The following UNC5C variants were observed in gnomAD, a reference collection of about 807,000 sequenced individuals.
UNC5C encodes the protein unc-5 netrin receptor C, also known as netrin receptor UNC5C.
A neutral mutation model predicts 99.8 loss-of-function variants in UNC5C; 47 were observed. The observed-to-expected ratio is 0.47, with a 90% CI of 0.37 to 0.60. The LOEUF is 0.60. Among genes scored for constraint, UNC5C ranks in the 20% least tolerant of loss-of-function variants. The probability of loss-of-function intolerance (pLI) is 0.00; values close to 1 mark genes in which losing one functional copy is unlikely to be tolerated. For missense variants in UNC5C, 1,062 were observed against 1,165.9 expected (o/e 0.91, Z 1.30); for synonymous variants, 487 against 452.2 (o/e 1.08, Z -0.98).
chr4:95,528,938 T>C, intron 1 of UNC5C, among the ~76,000 whole-genome samples: 1 of 152,280 alleles, frequency 6.6e-6, no homozygotes, highest in Middle Eastern at 3.4e-3. Flanking sequence ...ACTTGATTTT[T>C]TTTTCTGAAA....
intron 4 of UNC5C, among the ~76,000 whole-genome samples, chr4:95,265,214 G>A (rs574737253): frequency 6.6e-6 from 1 of 152,250 alleles, no homozygotes; most frequent in East Asian, 1.9e-4. Context: ...GTTATCTTCA[G>A]TCCCAACTTT....
intron 10 of UNC5C, among the ~76,000 whole-genome samples, chr4:95,208,820 T>G (rs1457968374): frequency 6.6e-6 from 1 of 152,230 alleles, no homozygotes; most frequent in Non-Finnish European, 1.5e-5. Flanking sequence ...AATGGTCACT[T>G]GAAATGGATT....
At chr4:95,480,840 G>A (rs905688727) in intron 1 of UNC5C, among the ~76,000 whole-genome samples, 3 of 151,798 alleles carry the variant, frequency 2.0e-5, no homozygotes, top group South Asian at 2.1e-4. Context: ...AATAAATTAG[G>A]TATTGATGGG....
chr4:95,431,355 C>T (rs1746630991), intron 1 of UNC5C, among the ~76,000 whole-genome samples: 1 of 152,008 alleles, frequency 6.6e-6, no homozygotes, highest in Admixed American at 6.6e-5. Flanking sequence ...CCATCTTGGT[C>T]TTACTGAATT....
At chr4:95,286,468 G>A (rs1741237563) in intron 3 of UNC5C, among the ~76,000 whole-genome samples, 1 of 152,152 alleles carries the variant, frequency 6.6e-6, no homozygotes, top group African/African-American at 2.4e-5. Flanking sequence ...AGGAGGCTGT[G>A]GGGAGCCATG....
intron 1 of UNC5C, among the ~76,000 whole-genome samples, chr4:95,346,257 C>T (rs565413787): frequency 1.3e-5 from 2 of 151,826 alleles, no homozygotes; most frequent in South Asian, 2.1e-4. Context: ...TCGAACAGAC[C>T]ATTAACAAGT....
At chr4:95,378,600 G>T (rs985938466) in intron 1 of UNC5C, among the ~76,000 whole-genome samples, 1 of 152,076 alleles carries the variant, frequency 6.6e-6, no homozygotes, top group Non-Finnish European at 1.5e-5. Flanking sequence ...CCCAGTACAT[G>T]GCATACCATA....
chr4:95,434,257 T>C (rs1746712555), intron 1 of UNC5C, among the ~76,000 whole-genome samples: 1 of 152,130 alleles, frequency 6.6e-6, no homozygotes, highest in Non-Finnish European at 1.5e-5. Flanking sequence ...CATTCTACAA[T>C]AATGCATCAC....
chr4:95,391,166 T>C (rs1484824748), intron 1 of UNC5C, among the ~76,000 whole-genome samples: 1 of 152,224 alleles, frequency 6.6e-6, no homozygotes, highest in Non-Finnish European at 1.5e-5. Flanking sequence ...CCCAGTCATG[T>C]GGAACTGTGA....
At chr4:95,273,731 G>A (rs982347664) in intron 4 of UNC5C, among the ~76,000 whole-genome samples, 6 of 152,038 alleles carry the variant, frequency 3.9e-5, no homozygotes, top group African/African-American at 1.2e-4. Flanking sequence ...TCTTTCACCT[G>A]GTTTACTTGA....
chr4:95,396,032 A>T (rs183832616), intron 1 of UNC5C, among the ~76,000 whole-genome samples: 1 of 152,320 alleles, frequency 6.6e-6, no homozygotes, highest in Non-Finnish European at 1.5e-5. Context: ...TTGCAGTAAG[A>T]GCCTTAGGAA....
At chr4:95,265,439 T>C (rs1376627452) in intron 4 of UNC5C, among the ~76,000 whole-genome samples, 1 of 152,196 alleles carries the variant, frequency 6.6e-6, no homozygotes, top group African/African-American at 2.4e-5. Context: ...CATTAATGGA[T>C]GCTGGAGTTG....
At position 95,411,692 on chromosome 4, in the gene UNC5C, A is replaced by G. The variant is rs371662412; in HGVS notation, c.125-76061T>C. ...TTAGAAATTCATAAATTGGATCGCA[A>G]TCTCTTTTCTTTGTAAATTTAAAAT... On this transcript the variant is annotated intron_variant, in intron 1 of 15. Transcript: ENST00000453304. Among the ~76,000 whole-genome samples the G allele has an allele frequency of 5.9e-5, 9 of 152,296 alleles. No individual in the cohort carries two copies. In the South Asian group the frequency reaches 1.5e-3, roughly 25 times the overall value.
intron 1 of UNC5C, among the ~76,000 whole-genome samples, chr4:95,354,122 T>C (rs1744084385): frequency 6.6e-6 from 1 of 152,132 alleles, no homozygotes; most frequent in Non-Finnish European, 1.5e-5. Context: ...TGAATCTGTT[T>C]CTTTCTGTTT....
chr4:95,514,758 T>C (rs977507002), intron 1 of UNC5C, among the ~76,000 whole-genome samples: 4 of 151,756 alleles, frequency 2.6e-5, no homozygotes, highest in Admixed American at 2.0e-4. Context: ...CTGCAACCTC[T>C]GCCTCCTGGG....
intron 4 of UNC5C, among the ~76,000 whole-genome samples, chr4:95,268,725 T>C (rs1485337211): frequency 2.0e-5 from 3 of 152,204 alleles, no homozygotes; most frequent in Non-Finnish European, 2.9e-5. Context: ...AACTGCCACA[T>C]GCCACCCAAC....
chr4:95,343,445 G>A (rs1017205761), intron 1 of UNC5C, among the ~76,000 whole-genome samples: 30 of 152,118 alleles, frequency 2.0e-4, no homozygotes, highest in African/African-American at 7.2e-4. Flanking sequence ...AAAAGTCATA[G>A]TGTTACTGGG....
intron 1 of UNC5C, among the ~76,000 whole-genome samples, chr4:95,545,464 T>G (rs1053795094): frequency 2.6e-5 from 4 of 152,214 alleles, no homozygotes; most frequent in Non-Finnish European, 5.9e-5. Context: ...TTTAGTTGTC[T>G]TCACTGTTGA....
chr4:95,222,243 C>T, intron 7 of UNC5C: 6 of 1,492,576 alleles, frequency 4.0e-6, no homozygotes, highest in Non-Finnish European at 5.3e-6. Context: ...GTTCTCTGTT[C>T]AGTTGAAATG....
Sources: gnomAD v4.1 joint callset for allele counts (sites outside exome capture counted in the v4.1 genomes callset) on GRCh38, gnomAD v4.1.1 for gene constraint, MANE v1.5 for transcripts, NCBI Gene and HGNC (gene_info 2026-07-23, HGNC 2026-07-21) for gene names.